Variants in TAF2 observed in about 807,000 individuals in gnomAD.
TAF2 encodes transcription initiation factor TFIID subunit 2.
Under a neutral mutation model 138.5 loss-of-function variants are expected in TAF2, and 61 were observed. The observed-to-expected ratio is 0.44, with a 90% CI of 0.36 to 0.54. The LOEUF (loss-of-function observed/expected upper bound fraction) is 0.54. Among genes scored for constraint, TAF2 ranks in the 20% least tolerant of loss-of-function variants. The pLI is 0.00. For missense variants in TAF2, 1,090 were observed against 1,427.9 expected (o/e 0.76, Z 3.81); for synonymous variants, 475 against 469.9 (o/e 1.01, Z -0.14).
chr8:119,744,754 T>C lies in TAF2; in HGVS notation c.3109-361A>G, dbSNP rs116639132. 4.4e-3 allele frequency: 1,640 copies of C among 376,672 alleles called. 25 individuals are homozygous for C. Among genetic ancestry groups the C allele is most frequent in the African/African-American group, 0.032 (1,524 of 47,614 alleles). 23.3% of individuals were successfully genotyped at this position (376,672 alleles called of 1,614,324 possible). ...TGGTTCGAATGTCTCAGAAGGACCT[T>C]TGAGTTTTATAATGCAGTCTGTTGC... On this transcript the variant is annotated intron_variant, in intron 23 of 25. Transcript: ENST00000378164.
chr8:119,805,173 C>CA (rs1824534236), intron 4 of TAF2, among the ~76,000 whole-genome samples: 1 of 152,080 alleles, frequency 6.6e-6, no homozygotes, highest in Non-Finnish European at 1.5e-5. Context: ...ATACAAGACA[C>CA]AAAGAAGGTT....
At chr8:119,812,152 G>A (rs2131236328) in intron 3 of TAF2, among the ~76,000 whole-genome samples, 1 of 152,176 alleles carries the variant, frequency 6.6e-6, no homozygotes, top group East Asian at 1.9e-4. Flanking sequence ...ATTCTCACTG[G>A]TTTAAAGAAA....
chr8:119,810,015 A>AAAAC (rs1292447003), intron 3 of TAF2, among the ~76,000 whole-genome samples: 1 of 151,820 alleles, frequency 6.6e-6, no homozygotes, highest in Non-Finnish European at 1.5e-5. Context: ...AAAAAAAAAA[A>AAAAC]AACAGTATCT....
intron 2 of TAF2, among the ~76,000 whole-genome samples, chr8:119,821,774 C>T (rs1825818434): frequency 6.6e-6 from 1 of 152,136 alleles, no homozygotes; most frequent in Non-Finnish European, 1.5e-5. Context: ...CATGGGCTCA[C>T]GCCTGTAATC....
At chr8:119,748,213 A>C (rs1269343762) in intron 22 of TAF2, among the ~76,000 whole-genome samples, 2 of 152,066 alleles carry the variant, frequency 1.3e-5, no homozygotes, top group African/African-American at 4.8e-5. Context: ...TTGTTTCAAA[A>C]GAGTACCACA....
At position 119,801,810 on chromosome 8, in the gene TAF2, T is replaced by C; in HGVS notation, c.776A>G (p.Asp259Gly). The change falls in exon 6 of 26, where the codon GAT (aspartate) becomes GGT (glycine). Residue 259 changes from aspartate (D) to glycine (G), a missense_variant. Physicochemically the swap from Asp to Gly is moderately conservative, Grantham distance 94. Coordinates refer to ENST00000378164, the MANE Select transcript of TAF2 (RefSeq NM_003184.4). ...LAIGPFEILVDPYMHEVTHFC... is the reference protein window; with the variant it reads ...LAIGPFEILVGPYMHEVTHFC... The stretch of plus-strand genomic sequence containing the variant: ...CTGACTTACCTCATGCATGTATGGA[T>C]CTACCAGTATTTCAAATGGTCCAAT... 6.2e-7 allele frequency: 1 copy of C among 1,614,040 alleles called. No homozygotes were observed. The highest frequency in any genetic ancestry group is 8.5e-7 in the Non-Finnish European group (1 of 1,179,914).
At chr8:119,818,409 C>T (rs1825613984) in intron 3 of TAF2, among the ~76,000 whole-genome samples, 1 of 152,102 alleles carries the variant, frequency 6.6e-6, no homozygotes, top group Non-Finnish European at 1.5e-5. Flanking sequence ...TTTTGGCATC[C>T]TACCCCAAAA....
At chr8:119,818,819 G>A (rs1047543607) in intron 3 of TAF2, among the ~76,000 whole-genome samples, 13 of 151,422 alleles carry the variant, frequency 8.6e-5, no homozygotes, top group African/African-American at 2.9e-4. Context: ...ACTGATAACA[G>A]CAATATATGT....
chr8:119,824,731 G>C (rs1189526886), intron 2 of TAF2, among the ~76,000 whole-genome samples: 1 of 152,192 alleles, frequency 6.6e-6, no homozygotes, highest in Non-Finnish European at 1.5e-5. Flanking sequence ...CTTTGAGCTT[G>C]GGCCATAGTT....
In TAF2 at chr8:119,783,491, C is replaced by A; in HGVS notation, c.2002G>T (p.Ala668Ser). The part of the protein sequence containing the change: ...DVVAQQESIL[A>S]LEKFPTPASR... ...GCTGGAGTAGGGAATTTTTCCAAAG[C>A]CAAAATGGATTCCTGCTGTGCAACA... The change falls in exon 16 of 26, where the codon GCT (alanine) becomes TCT (serine). Residue 668 changes from alanine (A) to serine (S), a missense_variant. By Grantham distance (99) the Ala-to-Ser change is moderately conservative. Coordinates refer to ENST00000378164, the MANE Select transcript of TAF2 (RefSeq NM_003184.4). 6.2e-7 allele frequency: 1 copy of A among 1,614,066 alleles called. No individual in the cohort carries two copies. Among genetic ancestry groups the A allele is most frequent in the Non-Finnish European group, 8.5e-7 (1 of 1,180,002 alleles).
At chr8:119,800,793 AT>A (rs1261813178) in intron 6 of TAF2, among the ~76,000 whole-genome samples, 1 of 152,210 alleles carries the variant, frequency 6.6e-6, no homozygotes, top group Non-Finnish European at 1.5e-5. Flanking sequence ...GCTGCCCTCA[AT>A]TTTTATTCAC....
At chr8:119,750,911 G>A (rs1375241038) in intron 22 of TAF2, among the ~76,000 whole-genome samples, 1 of 152,120 alleles carries the variant, frequency 6.6e-6, no homozygotes, top group African/African-American at 2.4e-5. Context: ...TAATATGCCA[G>A]ACACTAAAGG....
intron 17 of TAF2, among the ~76,000 whole-genome samples, chr8:119,780,008 C>T (rs979740125): frequency 1.3e-5 from 2 of 152,182 alleles, no homozygotes; most frequent in African/African-American, 4.8e-5. Context: ...AAGTCCTTTT[C>T]TCAACCTTGC....
At chr8:119,793,592 A>C (rs1451383167) in intron 9 of TAF2, 141 bp from the exon 10 acceptor site, 1 of 679,072 alleles carries the variant, frequency 1.5e-6, no homozygotes, top group Non-Finnish European at 2.5e-6. Context: ...ATGTATTTAA[A>C]GAGTAGTTTA....
At chr8:119,779,589 T>C (rs1822502014) in intron 17 of TAF2, among the ~76,000 whole-genome samples, 2 of 152,158 alleles carry the variant, frequency 1.3e-5, no homozygotes, top group African/African-American at 4.8e-5. Context: ...ACAGACTTCT[T>C]TGATCACACC....
At chr8:119,774,234 A>G (rs754089560) in intron 18 of TAF2, among the ~76,000 whole-genome samples, 11 of 152,198 alleles carry the variant, frequency 7.2e-5, no homozygotes, top group African/African-American at 2.4e-4. Context: ...TGGAAAGATC[A>G]TAAGTTACTC....
At chr8:119,770,753 C>A (rs1039862716) in intron 18 of TAF2, among the ~76,000 whole-genome samples, 3 of 152,168 alleles carry the variant, frequency 2.0e-5, no homozygotes, top group Admixed American at 6.6e-5. Flanking sequence ...TAACCTTGAA[C>A]AGAAATGGCA....
At chr8:119,753,363 T>C (rs1227893254) in intron 22 of TAF2, among the ~76,000 whole-genome samples, 1 of 152,236 alleles carries the variant, frequency 6.6e-6, no homozygotes, top group East Asian at 1.9e-4. Flanking sequence ...ATCAGATTCA[T>C]TCATTTATCC....
At chr8:119,806,462 T>A in intron 3 of TAF2, 61 bp from the exon 4 acceptor site, 1 of 1,250,160 alleles carries the variant, frequency 8.0e-7, no homozygotes. Context: ...AGCATTTTTC[T>A]TTCTTTCTTT....
Sources: allele counts gnomAD v4.1 joint callset (sites outside exome capture counted in the v4.1 genomes callset), GRCh38; gene constraint gnomAD v4.1.1; transcripts MANE v1.5; gene names NCBI Gene and HGNC (gene_info 2026-07-23, HGNC 2026-07-21).